Variants in SCAMP4 observed in about 807,000 individuals in gnomAD.
SCAMP4 encodes secretory carrier-associated membrane protein 4.
A neutral mutation model predicts 32.1 loss-of-function variants in SCAMP4; 19 were observed. The ratio of observed to expected loss-of-function variants is 0.59; its 90% CI spans 0.41 to 0.87. SCAMP4 has a LOEUF of 0.87. Among genes scored for constraint, SCAMP4 ranks in the 40% least tolerant of loss-of-function variants. The pLI is 0.00. For synonymous variants in SCAMP4, 152 were observed against 132.7 expected (o/e 1.15, Z -1.00); for missense variants, 302 against 309.0 (o/e 0.98, Z 0.17).
At position 1,918,214 on chromosome 19, in the gene SCAMP4, T is replaced by C. The variant is rs1293714133; in HGVS notation, c.224T>C (p.Phe75Ser). 5.6e-6 allele frequency: 9 copies of C among 1,611,896 alleles called. No homozygotes were observed. Among genetic ancestry groups the C allele is most frequent in the Non-Finnish European group, 6.8e-6 (8 of 1,179,816 alleles). The part of the protein sequence containing the change: ...GGSGTNFGLA[F>S]VWLLLFTPCG... ...TCGGGGACCAACTTCGGCCTGGCCT[T>C]CGTGTGGCTGCTCCTGTTCACGCCT... Residue 75 changes from phenylalanine (F) to serine (S), a missense_variant, in exon 4 of 7, where the codon TTC becomes TCC. Transcript: ENST00000316097.
chr19:1,915,029 G>A lies in SCAMP4; in HGVS notation c.7+3G>A. The stretch of plus-strand genomic sequence containing the variant: ...GGTTGGTGAAACAGAGATGTCAGGT[G>A]AGTCCTGCCTGCCTGGGAGCCTCCA... On this transcript the variant is annotated splice_donor_region_variant and intron_variant, in intron 2 of 6. Transcript: ENST00000316097. 6.2e-7 allele frequency: 1 copy of A among 1,613,824 alleles called. No individual in the cohort carries two copies. The highest frequency in any genetic ancestry group is 8.5e-7 in the Non-Finnish European group (1 of 1,179,816).
At chr19:1,921,283 C>T (rs1356593413) in intron 5 of SCAMP4, 5 of 985,302 alleles carry the variant, frequency 5.1e-6, no homozygotes, top group Admixed American at 1.2e-4. Context: ...GCTTCACCAG[C>T]GTCACCTCCC....
chr19:1,922,377 G>C, intron 5 of SCAMP4: 1 of 715,966 alleles, frequency 1.4e-6, no homozygotes, highest in Non-Finnish European at 1.7e-6. Context: ...TGGGATTACA[G>C]GCATGCGCCC....
intron 5 of SCAMP4, chr19:1,919,312 A>G: frequency 8.4e-7 from 1 of 1,193,154 alleles, no homozygotes; most frequent in South Asian, 2.1e-5. Flanking sequence ...GGGGTCTGGG[A>G]GCCAGTTCCT....
chr19:1,924,019 C>G (rs372663340), intron 6 of SCAMP4, 89 bp from the exon 7 acceptor site: 9 of 979,646 alleles, frequency 9.2e-6, no homozygotes, highest in African/African-American at 7.2e-5. Flanking sequence ...CTCGGCCTCC[C>G]GAAGTGCTGG....
chr19:1,912,353 C>A (rs1336726862), intron 1 of SCAMP4: 1 of 1,529,488 alleles, frequency 6.5e-7, no homozygotes. Flanking sequence ...ATGCCGGCAG[C>A]CCCCACGCCC....
In SCAMP4 at chr19:1,924,430, C is replaced by T; in HGVS notation, c.*146C>T. On this transcript the variant is annotated 3_prime_UTR_variant, in exon 7 of 7. Transcript: ENST00000316097. The stretch of plus-strand genomic sequence containing the variant: ...GGTGGTGGCCACGGACCGCCCCCCT[C>T]CTGCCAGGGCCACAGAACCCGTGTT... 1.5e-6 allele frequency: 1 copy of T among 657,220 alleles called. No individual in the cohort carries two copies. Among genetic ancestry groups the T allele is most frequent in the Non-Finnish European group, 2.6e-6 (1 of 379,342 alleles). The allele number at this position is 657,220 out of a possible 1,614,324, so 40.7% of individuals were successfully genotyped here. A position where few individuals can be genotyped will look rare whatever the true frequency, so the allele number is the denominator to read the frequency against.
Position 1,910,883 on chromosome 19 carries a change from G to A in SCAMP4, c.-41-4096G>A, listed in dbSNP as rs1221416759. On this transcript the variant is annotated intron_variant, in intron 1 of 6. Transcript: ENST00000316097. ...AGCCACCACGCCTGGCTTTTTTGTTGTTTTTTGACAGTCTCGCGCTGTTAC... is the reference window on the plus strand; with the variant it reads ...AGCCACCACGCCTGGCTTTTTTGTTATTTTTTGACAGTCTCGCGCTGTTAC... Among the ~76,000 whole-genome samples, 3 of 138,230 alleles carry A rather than the reference G, an allele frequency of 2.2e-5. 1 individual carries two copies. The highest frequency in any genetic ancestry group is 1.4e-4 in the Admixed American group (2 of 13,932). 90.7% of individuals were successfully genotyped at this position (138,230 alleles called of 152,430 possible).
At chr19:1,923,307 C>A in intron 6 of SCAMP4, 120 bp downstream of exon 6, 1 of 811,108 alleles carries the variant, frequency 1.2e-6, no homozygotes, top group Non-Finnish European at 1.9e-6. Flanking sequence ...GTCACGCAGG[C>A]CGCACTTCAT....
chr19:1,914,549 G>T, intron 1 of SCAMP4: 1 of 224,840 alleles, frequency 4.4e-6, no homozygotes, highest in Non-Finnish European at 9.0e-6. Context: ...GGCCAGGTGG[G>T]GCTGCTCTGG....
In SCAMP4 at chr19:1,918,226, T is replaced by A; in HGVS notation, c.236T>A (p.Leu79His). Residue 79 changes from leucine to histidine, a missense_variant, in exon 4 of 7, where the codon CTC (leucine) becomes CAC (histidine). Leu to His is a moderately conservative substitution (Grantham distance 99). Coordinates refer to ENST00000316097, the MANE Select transcript of SCAMP4 (RefSeq NM_079834.4). Reference sequence around the variant, plus strand: ...TTCGGCCTGGCCTTCGTGTGGCTGCTCCTGTTCACGCCTTGCGGCTACGTG... The same window carrying A: ...TTCGGCCTGGCCTTCGTGTGGCTGCACCTGTTCACGCCTTGCGGCTACGTG... The part of the protein sequence containing the change: ...TNFGLAFVWL[L>H]LFTPCGYVCW... 6.2e-7 allele frequency: 1 copy of A among 1,611,128 alleles called. No individual in the cohort carries two copies.
intron 1 of SCAMP4, chr19:1,913,199 G>T (rs1187826787): frequency 6.8e-7 from 1 of 1,466,396 alleles, no homozygotes; most frequent in Admixed American, 2.5e-5. Context: ...GCCGTGGGGC[G>T]CCCCTCCTGG....
intron 6 of SCAMP4, among the ~76,000 whole-genome samples, chr19:1,923,688 T>A (rs538678744): frequency 4.1e-5 from 6 of 146,990 alleles, no homozygotes; most frequent in African/African-American, 5.0e-5. Flanking sequence ...GTGCGATCTC[T>A]GCTCACTGCA....
At chr19:1,919,533 G>A in intron 5 of SCAMP4, 2 of 863,366 alleles carry the variant, frequency 2.3e-6, no homozygotes, top group South Asian at 1.1e-4. Flanking sequence ...GTCTTGCTCT[G>A]TCACCCAGGC....
intron 5 of SCAMP4, chr19:1,921,044 TAGG>T (rs1221153266): frequency 1.0e-6 from 1 of 985,298 alleles, no homozygotes; most frequent in African/African-American, 1.7e-5. Context: ...CAGCGGGTCT[TAGG>T]AGAGCCCGGC....
intron 5 of SCAMP4, chr19:1,920,093 G>A: frequency 1.0e-6 from 1 of 979,560 alleles, no homozygotes; most frequent in Non-Finnish European, 1.2e-6. Context: ...TTACAGGCGT[G>A]AGCCACTGTG....
intron 5 of SCAMP4, chr19:1,920,523 G>T (rs1047591220): frequency 5.8e-5 from 51 of 876,938 alleles, no homozygotes; most frequent in Non-Finnish European, 6.7e-5. Context: ...GCTGAAGCTG[G>T]TCTGTCACCT....
At chr19:1,922,471 G>C in intron 5 of SCAMP4, 1 of 897,312 alleles carries the variant, frequency 1.1e-6, no homozygotes, top group Non-Finnish European at 1.3e-6. Flanking sequence ...CTGGCCTCAA[G>C]TGATCCGCCC....
intron 1 of SCAMP4, chr19:1,907,005 G>T (rs917684017): frequency 1.3e-5 from 2 of 151,826 alleles, no homozygotes; most frequent in African/African-American, 4.8e-5. Flanking sequence ...GACCAATATG[G>T]TGAAATCCCA....
Sources: allele counts gnomAD v4.1 joint callset (sites outside exome capture counted in the v4.1 genomes callset), GRCh38; gene constraint gnomAD v4.1.1; transcripts MANE v1.5; gene names NCBI Gene and HGNC (gene_info 2026-07-23, HGNC 2026-07-21).